Variants in ASIC2 observed in about 807,000 individuals in gnomAD.
ASIC2 encodes acid-sensing ion channel 2.
Under a neutral mutation model 57.3 loss-of-function variants are expected in ASIC2, and 25 were observed. The ratio of observed to expected loss-of-function variants is 0.44; its 90% CI spans 0.32 to 0.61. The LOEUF (loss-of-function observed/expected upper bound fraction) is 0.61. Among genes scored for constraint, ASIC2 ranks in the 20% least tolerant of loss-of-function variants. The probability of loss-of-function intolerance (pLI) is 0.06; values close to 1 mark genes in which losing one functional copy is unlikely to be tolerated. For missense variants in ASIC2, 641 were observed against 738.1 expected (o/e 0.87, Z 1.52); for synonymous variants, 319 against 307.5 (o/e 1.04, Z -0.39).
At chr17:34,022,126 C>T (rs1021364515) in intron 1 of ASIC2, among the ~76,000 whole-genome samples, 3 of 152,126 alleles carry the variant, frequency 2.0e-5, no homozygotes, top group African/African-American at 4.8e-5. Flanking sequence ...TTTAAAAGTA[C>T]TCCAGGTGAT....
intron 1 of ASIC2, among the ~76,000 whole-genome samples, chr17:33,587,737 A>C (rs1904685261): frequency 6.6e-6 from 1 of 152,206 alleles, no homozygotes; most frequent in African/African-American, 2.4e-5. Flanking sequence ...CCTCAAACTC[A>C]AGGTGGTTGT....
intron 1 of ASIC2, among the ~76,000 whole-genome samples, chr17:33,748,399 T>C (rs1053013792): frequency 2.0e-5 from 3 of 152,222 alleles, no homozygotes; most frequent in Admixed American, 2.0e-4. Flanking sequence ...GGAAACTCCT[T>C]TGGCCTCAGA....
chr17:34,009,080 T>G (rs1175789310), intron 1 of ASIC2, among the ~76,000 whole-genome samples: 2 of 152,188 alleles, frequency 1.3e-5, no homozygotes, highest in Non-Finnish European at 2.9e-5. Flanking sequence ...GTCCACCTTT[T>G]TTTTTTTCCC....
At chr17:33,594,260 G>A (rs1159866126) in intron 1 of ASIC2, among the ~76,000 whole-genome samples, 1 of 152,224 alleles carries the variant, frequency 6.6e-6, no homozygotes, top group Non-Finnish European at 1.5e-5. Flanking sequence ...TTCACCAGCT[G>A]CCTGCTTTCA....
chr17:33,136,937 T>C (rs1347810922), intron 1 of ASIC2, among the ~76,000 whole-genome samples: 2 of 152,214 alleles, frequency 1.3e-5, no homozygotes, highest in African/African-American at 4.8e-5. Flanking sequence ...GCAAGTTTCT[T>C]AATCTCTCTG....
chr17:33,871,036 T>C (rs1300977506), intron 1 of ASIC2, among the ~76,000 whole-genome samples: 1 of 151,952 alleles, frequency 6.6e-6, no homozygotes, highest in Non-Finnish European at 1.5e-5. Flanking sequence ...CAAATCAGAG[T>C]GGGTTTTCCT....
intron 1 of ASIC2, among the ~76,000 whole-genome samples, chr17:33,312,811 C>T (rs1481802492): frequency 6.6e-6 from 1 of 152,158 alleles, no homozygotes; most frequent in African/African-American, 2.4e-5. Context: ...TGGCGCATGC[C>T]TGTAATCCTG....
At chr17:33,662,358 C>G (rs150132705) in intron 1 of ASIC2, among the ~76,000 whole-genome samples, 1 of 152,080 alleles carries the variant, frequency 6.6e-6, no homozygotes, top group Non-Finnish European at 1.5e-5. Context: ...TGGTGGCTCA[C>G]GCTTGTAATT....
Position 33,886,528 on chromosome 17 carries a change from C to T in ASIC2, c.555+269450G>A, listed in dbSNP as rs75482540. 3.1e-3 allele frequency among the ~76,000 whole-genome samples: 470 copies of T among 152,246 alleles called. 4 individuals are homozygous for T. The highest frequency in any genetic ancestry group is 0.011 in the African/African-American group (451 of 41,542). ...TCAAACACACACACATATACACACA[C>T]ACATGCCCATGAGATTACAGATTAG... On this transcript the variant is annotated intron_variant, in intron 1 of 9. Transcript: ENST00000359872.
intron 1 of ASIC2, among the ~76,000 whole-genome samples, chr17:33,808,975 T>G (rs1294003109): frequency 2.0e-5 from 3 of 152,268 alleles, no homozygotes; most frequent in African/African-American, 7.2e-5. Flanking sequence ...ATTCATGACT[T>G]TCTGAGTCAT....
chr17:33,135,539 G>A (rs547639321), intron 1 of ASIC2, among the ~76,000 whole-genome samples: 59 of 152,316 alleles, frequency 3.9e-4, no homozygotes, highest in Non-Finnish European at 6.9e-4. Flanking sequence ...GGCATGTAGC[G>A]AACTCTCAAT....
chr17:33,646,521 C>A (rs1906745591), intron 1 of ASIC2, among the ~76,000 whole-genome samples: 1 of 152,108 alleles, frequency 6.6e-6, no homozygotes, highest in Non-Finnish European at 1.5e-5. Context: ...GGGATCACAT[C>A]CCTTGGAGGG....
intron 1 of ASIC2, among the ~76,000 whole-genome samples, chr17:34,105,480 C>CTTTTTTTTTTTTTTTTT (rs11305436): frequency 8.1e-6 from 1 of 122,882 alleles, no homozygotes. Flanking sequence ...TTTCATCTAC[C>CTTTTTTTTTTTTTTTTT]TTTTTTTTTT....
Position 33,535,311 on chromosome 17 carries a change from C to T in ASIC2, c.556-423244G>A, listed in dbSNP as rs375405230. On this transcript the variant is annotated intron_variant, in intron 1 of 9. Transcript: ENST00000359872. ...TTTTTGAGATGGAGTATCACTCAGT[C>T]GCCCAGGCCGGAGTGCAGTGGTGCG... is the stretch of plus-strand genomic sequence containing the variant. Among the ~76,000 whole-genome samples the T allele has an allele frequency of 4.0e-5, 6 of 148,948 alleles. No homozygotes were observed. The South Asian group carries it at 6.4e-4, about 16-fold the overall frequency.
intron 1 of ASIC2, among the ~76,000 whole-genome samples, chr17:33,676,535 G>T (rs927668124): frequency 6.6e-6 from 1 of 152,212 alleles, no homozygotes; most frequent in Non-Finnish European, 1.5e-5. Flanking sequence ...GATCAAACAT[G>T]CCCAACATTC....
At chr17:33,725,730 C>G (rs561999359) in intron 1 of ASIC2, among the ~76,000 whole-genome samples, 3 of 149,198 alleles carry the variant, frequency 2.0e-5, no homozygotes, top group East Asian at 4.2e-4. Flanking sequence ...AACCCCCCCC[C>G]CCTTTTTTTA....
At chr17:33,481,586 C>T (rs1292184364) in intron 1 of ASIC2, among the ~76,000 whole-genome samples, 1 of 152,224 alleles carries the variant, frequency 6.6e-6, no homozygotes, top group Non-Finnish European at 1.5e-5. Flanking sequence ...ACTGAGCACA[C>T]ATGAGATGTT....
intron 1 of ASIC2, among the ~76,000 whole-genome samples, chr17:34,133,245 C>T (rs34025446): frequency 6.6e-6 from 1 of 151,482 alleles, no homozygotes; most frequent in East Asian, 1.9e-4. Context: ...TGCCTTCAAG[C>T]GTCTTTCTTT....
chr17:33,376,232 A>C (rs1240722034), intron 1 of ASIC2, among the ~76,000 whole-genome samples: 1 of 152,160 alleles, frequency 6.6e-6, no homozygotes, highest in African/African-American at 2.4e-5. Flanking sequence ...ACAGTCAAAA[A>C]AGAATACAAA....
Sources: allele counts gnomAD v4.1 joint callset (sites outside exome capture counted in the v4.1 genomes callset), GRCh38; gene constraint gnomAD v4.1.1; transcripts MANE v1.5; gene names NCBI Gene and HGNC (gene_info 2026-07-23, HGNC 2026-07-21).